The following CNOT3 variants were observed in gnomAD, a reference collection of about 807,000 sequenced individuals.
CNOT3 encodes CCR4-NOT transcription complex subunit 3.
A neutral mutation model predicts 89.4 loss-of-function variants in CNOT3; 2 were observed. The ratio of observed to expected loss-of-function variants is 0.02; its 90% CI spans 0.01 to 0.07. The LOEUF (loss-of-function observed/expected upper bound fraction) is 0.07. CNOT3 is among the 10% of genes least tolerant of loss of function. CNOT3 has a pLI of 1.00. For synonymous variants in CNOT3, 486 were observed against 402.0 expected, an observed-to-expected ratio of 1.21 and a Z score of -2.50; for missense variants, 664 against 1,010.2, an observed-to-expected ratio of 0.66 and a Z score of 4.65.
rs146892897 is a variant in CNOT3, at chr19:54,150,699, C to T, written c.1605+941C>T. ...TTCATCTGGGAAACGGCAATAGTCA[C>T]GATTATACCTACTATGTAGGGTTAT... On this transcript the variant is annotated intron_variant, in intron 13 of 17. Coordinates refer to ENST00000221232, the MANE Select transcript of CNOT3 (RefSeq NM_014516.4). Among the ~76,000 whole-genome samples the T allele has an allele frequency of 7.2e-3, 1,046 of 144,760 alleles. 9 individuals are homozygous for T. The highest frequency in any genetic ancestry group is 0.024 in the African/African-American group (976 of 40,032). The allele number at this position is 144,760 out of a possible 152,430, so 95.0% of individuals were successfully genotyped here.
chr19:54,153,126 T>G, intron 16 of CNOT3, 127 bp downstream of exon 16: 2 of 786,682 alleles, frequency 2.5e-6, no homozygotes, highest in Non-Finnish European at 4.6e-6. Flanking sequence ...CCCCTCCCTA[T>G]TCCCACTCCT....
Position 54,155,514 on chromosome 19 carries a change from TC to T in CNOT3, c.*112del. 1 of 917,910 alleles carries T rather than the reference TC, an allele frequency of 1.1e-6. No individual in the cohort carries two copies. The highest frequency in any genetic ancestry group is 1.6e-6 in the Non-Finnish European group (1 of 614,902). 56.9% of individuals were successfully genotyped at this position (917,910 alleles called of 1,614,324 possible). ...GAGGGAGGCCCCAAGCCACGGGGCA[TC>T]CCCCTCTCCCAGGAAGCAGGGAGGG... On this transcript the variant is annotated 3_prime_UTR_variant, in exon 18 of 18. Coordinates refer to ENST00000221232, the MANE Select transcript of CNOT3 (RefSeq NM_014516.4).
chr19:54,153,967 C>G, intron 17 of CNOT3, 127 bp downstream of exon 17: 1 of 1,191,822 alleles, frequency 8.4e-7, no homozygotes, highest in Non-Finnish European at 1.2e-6. Context: ...TCAGCCTGAC[C>G]AAGTACTCCT....
At chr19:54,146,849 C>T (rs1226702382) in intron 10 of CNOT3, among the ~76,000 whole-genome samples, 192 bp downstream of exon 10, 1 of 152,200 alleles carries the variant, frequency 6.6e-6, no homozygotes, top group Non-Finnish European at 1.5e-5. Context: ...GGGGGTAGCA[C>T]ACAGGTCACC....
chr19:54,138,041 C>G (rs934474335), intron 1 of CNOT3, 48 bp downstream of exon 1: 2 of 152,276 alleles, frequency 1.3e-5, no homozygotes, highest in Non-Finnish European at 2.9e-5. Flanking sequence ...CTTCCTCCCC[C>G]CGGCGCCATC....
At position 54,146,049 on chromosome 19, in the gene CNOT3, G is replaced by A. The variant is rs774459194; in HGVS notation, c.837+6G>A. On this transcript the variant is annotated splice_donor_region_variant and intron_variant, in intron 9 of 17. Coordinates refer to ENST00000221232, the MANE Select transcript of CNOT3 (RefSeq NM_014516.4). ...GCCCAGCCAACTGTACCACGGTGAGGCCCCACGGGACACTAGTACCTTGTG... is the reference window on the plus strand; with the variant it reads ...GCCCAGCCAACTGTACCACGGTGAGACCCCACGGGACACTAGTACCTTGTG... 4 of 1,612,540 alleles carry A rather than the reference G, an allele frequency of 2.5e-6. No homozygotes were observed. The highest frequency in any genetic ancestry group is 3.4e-6 in the Non-Finnish European group (4 of 1,179,538).
chr19:54,153,674 T>C (rs1433581528), intron 16 of CNOT3, 41 bp from the exon 17 acceptor site: 1 of 1,582,368 alleles, frequency 6.3e-7, no homozygotes. Flanking sequence ...CCACCCAGTT[T>C]GGGGGCCCCC....
rs1038917165 is a variant in CNOT3, at chr19:54,148,846, T to C, written c.1406+103T>C. The C allele has an allele frequency of 1.2e-5, 12 of 1,032,416 alleles. No individual in the cohort carries two copies. In the South Asian group the frequency reaches 2.0e-4, roughly 17 times the overall value. The allele number at this position is 1,032,416 out of a possible 1,614,324, so 64.0% of individuals were successfully genotyped here. On this transcript the variant is annotated intron_variant, in intron 12 of 17. Transcript: ENST00000221232. The surrounding 1 kb of genome is among the most constrained non-coding windows in gnomAD (Gnocchi z 6.3). ...CGGTGGGTTCTGAACCCCCCGCCCT[T>C]GCTGCTGGGAATGGCCAAGCGCTAT...
In CNOT3 at chr19:54,152,597, G is replaced by A. The variant is rs2075180979; in HGVS notation, c.1875G>A (p.Met625Ile). ...QAMEEAAWHHMPHPSDSERIR... is the reference protein window; with the variant it reads ...QAMEEAAWHHIPHPSDSERIR... ...TGGAAGAGGCCGCCTGGCACCACAT[G>A]CCTCACCCCTCTGACTCTGAGCGTA... The change falls in exon 15 of 18, where the codon ATG becomes ATA. Residue 625 changes from methionine (M) to isoleucine (I), a missense_variant. Around this residue, in one of 8 missense-constraint regions of CNOT3, gnomAD observed 545 missense variants for 566.2 expected, o/e 0.96. Transcript: ENST00000221232. 1 of 1,613,714 alleles carries A rather than the reference G, an allele frequency of 6.2e-7. No individual in the cohort carries two copies. Among genetic ancestry groups the A allele is most frequent in the African/African-American group, 1.3e-5 (1 of 75,068 alleles).
chr19:54,153,640 G>C (rs907381880), intron 16 of CNOT3, 75 bp from the exon 17 acceptor site: 4 of 1,129,722 alleles, frequency 3.5e-6, no homozygotes, highest in Non-Finnish European at 5.4e-6. Context: ...CAGCCCTGAT[G>C]TCCTGCCCCA....
At chr19:54,154,321 C>G (rs2075304429) in intron 17 of CNOT3, 1 of 307,644 alleles carries the variant, frequency 3.3e-6, no homozygotes, top group Admixed American at 4.1e-5. Context: ...ATTCCTGCTG[C>G]TTGCAAACAC....
In CNOT3 at chr19:54,143,206, A is replaced by G. The variant is rs1366315709; in HGVS notation, c.93+20A>G. The stretch of plus-strand genomic sequence containing the variant: ...CAGAAGGTACAGGGGCTGAGACCCT[A>G]ATAATCTGGGTCTTCAGAGAGGAGG... On this transcript the variant is annotated intron_variant, in intron 3 of 17. Transcript: ENST00000221232. 3.1e-6 allele frequency: 5 copies of G among 1,603,994 alleles called. No homozygotes were observed. In the East Asian group the frequency reaches 6.7e-5, roughly 21 times the overall value.
At chr19:54,154,142 G>A (rs2075295496) in intron 17 of CNOT3, 2 of 591,874 alleles carry the variant, frequency 3.4e-6, no homozygotes, top group South Asian at 1.6e-5. Flanking sequence ...ACACTCGCCT[G>A]GGGTGTGGGA....
intron 13 of CNOT3, among the ~76,000 whole-genome samples, chr19:54,150,209 G>A (rs151094393): frequency 1.5e-3 from 233 of 152,170 alleles, no homozygotes; most frequent in African/African-American, 4.9e-3. Context: ...GGAAGGTTGC[G>A]GTGGGCCCAC....
intron 1 of CNOT3, among the ~76,000 whole-genome samples, chr19:54,139,667 G>A (rs919625322): frequency 5.9e-5 from 9 of 152,128 alleles, no homozygotes; most frequent in South Asian, 2.1e-4. Context: ...AGGTGCCCCC[G>A]GCTAATGCTT....
intron 17 of CNOT3, chr19:54,154,138 G>A (rs1294067649): frequency 4.3e-5 from 27 of 630,754 alleles, no homozygotes; most frequent in Admixed American, 1.3e-4. Flanking sequence ...GGGCACACTC[G>A]CCTGGGGTGT....
Position 54,144,173 on chromosome 19 carries a change from T to C in CNOT3, c.387+39T>C. The C allele has an allele frequency of 6.2e-7, 1 of 1,611,052 alleles. No individual in the cohort carries two copies. Among genetic ancestry groups the C allele is most frequent in the South Asian group, 1.1e-5 (1 of 90,764 alleles). ...GAGAAGAGGAGGTGAACTCTGAGGA[T>C]CCTGAGCCCTGGGTGTAGGCGGAAC... is the stretch of plus-strand genomic sequence containing the variant. On this transcript the variant is annotated intron_variant, in intron 6 of 17. Transcript: ENST00000221232. The surrounding 1 kb of genome is among the most constrained non-coding windows in gnomAD (Gnocchi z 4.8).
At position 54,145,888 on chromosome 19, in the gene CNOT3, T is replaced by C. The variant is rs764506972; in HGVS notation, c.704-22T>C. 1 of 1,612,906 alleles carries C rather than the reference T, an allele frequency of 6.2e-7. No individual in the cohort carries two copies. Among genetic ancestry groups the C allele is most frequent in the Non-Finnish European group, 8.5e-7 (1 of 1,179,516 alleles). On this transcript the variant is annotated intron_variant, in intron 8 of 17. Coordinates refer to ENST00000221232, the MANE Select transcript of CNOT3 (RefSeq NM_014516.4). The surrounding 1 kb of genome is among the most constrained non-coding windows in gnomAD (Gnocchi z 5.9). ...ATGGGCTGTGTGAGCCAGCTAAGCA[T>C]GCCCTTCTTCTGCCCCCACAGCACA... is the stretch of plus-strand genomic sequence containing the variant.
chr19:54,152,833 G>A (rs1470735091), intron 15 of CNOT3, 34 bp from the exon 16 acceptor site: 2 of 1,018,128 alleles, frequency 2.0e-6, no homozygotes, highest in East Asian at 2.4e-5. Context: ...GGACTAGTAG[G>A]CAGCTGGCAC....
Sources: gnomAD v4.1 joint callset for allele counts (sites outside exome capture counted in the v4.1 genomes callset) on GRCh38, gnomAD v4.1.1 for gene constraint, gnomAD v4.1.1 regional missense constraint, Gnocchi (gnomAD v3.1) non-coding constraint, MANE v1.5 for transcripts, NCBI Gene and HGNC (gene_info 2026-07-23, HGNC 2026-07-21) for gene names.